SPTLC3: variants seen among roughly 807,000 people sequenced by gnomAD.
SPTLC3 encodes serine palmitoyltransferase long chain base subunit 3, also known as serine palmitoyltransferase 3.
Under a neutral mutation model 59.3 loss-of-function variants are expected in SPTLC3, and 36 were observed. That is an observed-to-expected ratio of 0.61 (90% CI 0.47 to 0.80). SPTLC3 has a LOEUF of 0.80. Ranked by LOEUF, SPTLC3 falls within the 30% of genes least tolerant of loss-of-function variation. SPTLC3 has a pLI of 0.00. For missense variants in SPTLC3, 625 were observed against 685.1 expected, an observed-to-expected ratio of 0.91 and a Z score of 0.98; for synonymous variants, 257 against 240.8, an observed-to-expected ratio of 1.07 and a Z score of -0.62.
At chr20:13,052,679 A>C (rs1049606815) in intron 2 of SPTLC3, among the ~76,000 whole-genome samples, 1 of 152,166 alleles carries the variant, frequency 6.6e-6, no homozygotes, top group African/African-American at 2.4e-5. Context: ...GTCTGAAGTC[A>C]ACCTGGGACA....
intron 9 of SPTLC3, among the ~76,000 whole-genome samples, chr20:13,152,693 C>G (rs2038676132): frequency 6.6e-6 from 1 of 152,092 alleles, no homozygotes; most frequent in Non-Finnish European, 1.5e-5. Flanking sequence ...TGAATTATTC[C>G]AACTGATTAA....
intron 1 of SPTLC3, among the ~76,000 whole-genome samples, chr20:13,009,739 G>A (rs1015366815): frequency 4.6e-5 from 7 of 152,152 alleles, no homozygotes; most frequent in South Asian, 4.1e-4. Flanking sequence ...TGCTACAACC[G>A]TCATGCTTCA....
At position 13,126,663 on chromosome 20, in the gene SPTLC3, G is replaced by C; in HGVS notation, c.1225G>C (p.Glu409Gln). 1 of 1,614,060 alleles carries C rather than the reference G, an allele frequency of 6.2e-7. No individual in the cohort carries two copies. The highest frequency in any genetic ancestry group is 2.2e-5 in the East Asian group (1 of 44,872). The stretch of plus-strand genomic sequence containing the variant: ...TTCATCCATGAGCCCACCGATAGCA[G>C]AGCAAATCATCAGATCACTAAAACT... ...YASSMSPPIA[E>Q]QIIRSLKLIM... is the part of the protein sequence containing the mutation. Residue 409 changes from glutamate (E) to glutamine (Q), a missense_variant, in exon 9 of 12, where the codon GAG becomes CAG. By Grantham distance (29) the Glu-to-Gln change is conservative (BLOSUM62 2). Transcript: ENST00000399002.
chr20:13,113,217 G>A (rs1233745596), intron 7 of SPTLC3, among the ~76,000 whole-genome samples: 1 of 152,084 alleles, frequency 6.6e-6, no homozygotes, highest in Non-Finnish European at 1.5e-5. Flanking sequence ...TTTCCCGTAG[G>A]ATTTTCCAAA....
chr20:13,049,491 G>A (rs1452782976), intron 2 of SPTLC3: 3 of 182,360 alleles, frequency 1.6e-5, no homozygotes, highest in Admixed American at 6.0e-5. Context: ...TGGTCTTCTA[G>A]TTGTAAGTTG....
intron 9 of SPTLC3, among the ~76,000 whole-genome samples, chr20:13,143,862 A>C (rs2038443750): frequency 1.3e-5 from 2 of 152,200 alleles, no homozygotes; most frequent in South Asian, 4.1e-4. Context: ...AAATTGGAAC[A>C]GTTGTCGACA....
intron 1 of SPTLC3, among the ~76,000 whole-genome samples, chr20:13,020,781 C>T (rs750556803): frequency 2.0e-5 from 3 of 152,008 alleles, no homozygotes; most frequent in Non-Finnish European, 4.4e-5. Context: ...GTTTGAATCT[C>T]GGTTCTGCCA....
intron 9 of SPTLC3, among the ~76,000 whole-genome samples, chr20:13,129,085 T>A (rs1044535935): frequency 6.6e-6 from 1 of 151,992 alleles, no homozygotes; most frequent in African/African-American, 2.4e-5. Context: ...CAGATTGGTC[T>A]CAAACTCCTG....
At chr20:13,079,140 C>T (rs59551362) in intron 4 of SPTLC3, among the ~76,000 whole-genome samples, 2,353 of 152,054 alleles carry the variant, frequency 0.015, 56 homozygotes, top group African/African-American at 0.054. Flanking sequence ...TAAAAAAAGA[C>T]GGAGATACCA....
At chr20:13,150,471 AC>A (rs2038617439) in intron 9 of SPTLC3, among the ~76,000 whole-genome samples, 1 of 152,204 alleles carries the variant, frequency 6.6e-6, no homozygotes, top group South Asian at 2.1e-4. Context: ...AAGAAACCAT[AC>A]TTGGAACTGC....
chr20:13,147,512 C>G (rs539880280), intron 9 of SPTLC3, among the ~76,000 whole-genome samples: 31 of 152,298 alleles, frequency 2.0e-4, no homozygotes, highest in South Asian at 6.2e-4. Context: ...CCCCATCACC[C>G]TCTGCCCCCT....
chr20:13,129,548 C>A (rs2038073560), intron 9 of SPTLC3, among the ~76,000 whole-genome samples: 1 of 152,226 alleles, frequency 6.6e-6, no homozygotes, highest in South Asian at 2.1e-4. Context: ...GTTTTAAAGA[C>A]AAGTGACTAG....
intron 8 of SPTLC3, among the ~76,000 whole-genome samples, chr20:13,121,181 C>T (rs2037858043): frequency 6.6e-6 from 1 of 152,192 alleles, no homozygotes; most frequent in African/African-American, 2.4e-5. Flanking sequence ...AACACTGGCT[C>T]CCACAGCCTC....
chr20:13,084,244 G>C (rs1305391026), intron 4 of SPTLC3, among the ~76,000 whole-genome samples: 2 of 152,178 alleles, frequency 1.3e-5, no homozygotes, highest in African/African-American at 2.4e-5. Flanking sequence ...AAACATGGAA[G>C]GAGGGGAATA....
intron 4 of SPTLC3, among the ~76,000 whole-genome samples, chr20:13,075,418 G>A (rs1015660342): frequency 3.3e-5 from 5 of 152,210 alleles, no homozygotes; most frequent in Non-Finnish European, 5.9e-5. Flanking sequence ...TCCCTCTTAG[G>A]TAACCAATTA....
At chr20:13,057,373 C>T (rs1463670219) in intron 2 of SPTLC3, among the ~76,000 whole-genome samples, 3 of 152,132 alleles carry the variant, frequency 2.0e-5, no homozygotes, top group Non-Finnish European at 4.4e-5. Flanking sequence ...CACCTTTACT[C>T]ATTTACTCTT....
intron 6 of SPTLC3, among the ~76,000 whole-genome samples, chr20:13,097,192 T>C (rs1341117975): frequency 1.3e-5 from 2 of 152,104 alleles, no homozygotes; most frequent in African/African-American, 4.8e-5. Flanking sequence ...TTGCAGTAGA[T>C]GCTGAAGGAT....
chr20:13,027,892 T>C (rs773482321), intron 1 of SPTLC3, among the ~76,000 whole-genome samples: 6 of 152,194 alleles, frequency 3.9e-5, no homozygotes, highest in Non-Finnish European at 5.9e-5. Flanking sequence ...ATTATTTACC[T>C]TTGTCATCAC....
intron 7 of SPTLC3, among the ~76,000 whole-genome samples, 187 bp downstream of exon 7, chr20:13,110,404 T>C (rs182994919): frequency 7.1e-4 from 108 of 152,300 alleles, no homozygotes; most frequent in African/African-American, 2.5e-3. Context: ...GATGACTCTA[T>C]ATATGGCACA....
Sources: gnomAD v4.1 joint callset for allele counts (sites outside exome capture counted in the v4.1 genomes callset) on GRCh38, gnomAD v4.1.1 for gene constraint, MANE v1.5 for transcripts, NCBI Gene and HGNC (gene_info 2026-07-23, HGNC 2026-07-21) for gene names.